The following WDPCP variants were observed in gnomAD, a reference collection of about 807,000 sequenced individuals.
The protein encoded by WDPCP is WD repeat containing planar cell polarity effector.
Under a neutral mutation model 93.1 loss-of-function variants are expected in WDPCP, and 71 were observed. The observed-to-expected ratio is 0.76, with a 90% CI of 0.63 to 0.93. The LOEUF (loss-of-function observed/expected upper bound fraction) is 0.93. WDPCP is among the 40% of genes least tolerant of loss of function. The pLI is 0.00. For missense variants in WDPCP, 844 were observed against 887.4 expected (o/e 0.95, Z 0.62); for synonymous variants, 315 against 315.0 (o/e 1.00, Z 0.00).
At chr2:63,653,739 C>T (rs573547490) in intron 2 of WDPCP, among the ~76,000 whole-genome samples, 3 of 151,984 alleles carry the variant, frequency 2.0e-5, no homozygotes, top group East Asian at 1.9e-4. Flanking sequence ...GGCGAAACCC[C>T]GTCTCTACTA....
At chr2:63,392,742 T>C (rs1232513231) in intron 10 of WDPCP, among the ~76,000 whole-genome samples, 6 of 152,164 alleles carry the variant, frequency 3.9e-5, no homozygotes, top group Non-Finnish European at 8.8e-5. Context: ...GAACAGACAC[T>C]TTTCAAAAGC....
chr2:63,142,239 G>A (rs1671114371), intron 17 of WDPCP, among the ~76,000 whole-genome samples: 1 of 152,144 alleles, frequency 6.6e-6, no homozygotes, highest in African/African-American at 2.4e-5. Flanking sequence ...ATGTGAGTTT[G>A]TGCCCTTTCA....
At chr2:63,660,515 T>G (rs1454399013) in intron 2 of WDPCP, among the ~76,000 whole-genome samples, 1 of 152,208 alleles carries the variant, frequency 6.6e-6, no homozygotes, top group Non-Finnish European at 1.5e-5. Flanking sequence ...TCCAACAGGC[T>G]TCCTGCCTCC....
At chr2:63,556,065 T>C (rs1706092870) in intron 1 of WDPCP, among the ~76,000 whole-genome samples, 1 of 152,164 alleles carries the variant, frequency 6.6e-6, no homozygotes, top group Admixed American at 6.5e-5. Context: ...TAAAGGAGCA[T>C]GCTCTAATCC....
chr2:63,803,942 A>G (rs1670727939), intron 2 of WDPCP, among the ~76,000 whole-genome samples: 1 of 152,178 alleles, frequency 6.6e-6, no homozygotes, highest in Non-Finnish European at 1.5e-5. Context: ...TGTTCTTTCA[A>G]TTATCTATTT....
the WDPCP span, among the ~76,000 whole-genome samples, chr2:63,834,598 C>A: frequency 1.3e-5 from 2 of 152,228 alleles, no homozygotes; most frequent in Non-Finnish European, 2.9e-5. Flanking sequence ...CAGCTGCTAG[C>A]AGCATTTACC....
chr2:63,569,154 G>A (rs1443045028), intron 1 of WDPCP, among the ~76,000 whole-genome samples: 1 of 152,054 alleles, frequency 6.6e-6, no homozygotes, highest in Non-Finnish European at 1.5e-5. Context: ...AAACAATGTT[G>A]AACAAAGAAA....
At chr2:63,208,182 G>A (rs929945197) in intron 14 of WDPCP, among the ~76,000 whole-genome samples, 3 of 152,112 alleles carry the variant, frequency 2.0e-5, no homozygotes, top group African/African-American at 7.2e-5. Flanking sequence ...TTGTGGGCAT[G>A]TCTTTCTAGA....
chr2:63,483,230 C>G (rs1700372374), intron 6 of WDPCP, among the ~76,000 whole-genome samples: 2 of 151,804 alleles, frequency 1.3e-5, no homozygotes, highest in Non-Finnish European at 2.9e-5. Context: ...TAATTCTGAG[C>G]CTGTTTTTAA....
rs1697855752 is a variant in WDPCP at position 63,446,267 on chromosome 2, T to C, written c.385-6396A>G. Among the ~76,000 whole-genome samples, 3 of 152,024 alleles carry C rather than the reference T, an allele frequency of 2.0e-5. 1 individual carries two copies. Among genetic ancestry groups the C allele is most frequent in the Admixed American group, 2.0e-4 (3 of 15,260 alleles). ...GAAGTAAGCGGTGAGTGGGCAAGCATTACCGCCTGAGCTCTACCCCCTGTC... is the reference window on the plus strand; with the variant it reads ...GAAGTAAGCGGTGAGTGGGCAAGCACTACCGCCTGAGCTCTACCCCCTGTC... On this transcript the variant is annotated intron_variant, in intron 6 of 17. Transcript: ENST00000272321.
chr2:63,635,901 A>G (rs1008201017), intron 3 of WDPCP, among the ~76,000 whole-genome samples: 2 of 152,198 alleles, frequency 1.3e-5, no homozygotes, highest in African/African-American at 2.4e-5. Flanking sequence ...TCTACATTGG[A>G]AAGGAAGAAG....
At chr2:63,758,244 G>T (rs545620979) in intron 2 of WDPCP, among the ~76,000 whole-genome samples, 5 of 152,076 alleles carry the variant, frequency 3.3e-5, no homozygotes, top group Non-Finnish European at 5.9e-5. Flanking sequence ...GTCTAGGGTT[G>T]GTTCAGCAGA....
intron 15 of WDPCP, among the ~76,000 whole-genome samples, chr2:63,159,920 A>G (rs1243725082): frequency 2.0e-5 from 3 of 152,178 alleles, no homozygotes; most frequent in Admixed American, 6.5e-5. Context: ...CATGTCTGCA[A>G]TCTCCTTTGG....
intron 3 of WDPCP, among the ~76,000 whole-genome samples, chr2:63,632,758 G>C (rs541188879): frequency 2.3e-4 from 35 of 152,218 alleles, no homozygotes; most frequent in African/African-American, 8.2e-4. Flanking sequence ...ATACATTATG[G>C]GAGTTGCAGA....
At chr2:63,831,437 G>A (rs147633447), upstream of WDPCP, among the ~76,000 whole-genome samples, 2 of 152,008 alleles carry the variant, frequency 1.3e-5, no homozygotes, top group African/African-American at 4.8e-5. Context: ...TTGCTCCACA[G>A]GTCATTATAT....
At chr2:63,546,870 T>C (rs1256853698) in intron 1 of WDPCP, among the ~76,000 whole-genome samples, 3 of 151,608 alleles carry the variant, frequency 2.0e-5, no homozygotes, top group Admixed American at 6.6e-5. Context: ...TCTAAAGACA[T>C]AAAAAACAGG....
intron 2 of WDPCP, among the ~76,000 whole-genome samples, chr2:63,721,996 G>A (rs969270123): frequency 6.6e-6 from 1 of 152,068 alleles, no homozygotes; most frequent in Non-Finnish European, 1.5e-5. Context: ...CTCCCGAGGT[G>A]CCGGGATTGC....
chr2:63,266,803 C>CTCAA (rs1183764434), intron 13 of WDPCP, among the ~76,000 whole-genome samples: 77 of 152,142 alleles, frequency 5.1e-4, no homozygotes, highest in African/African-American at 1.3e-3. Flanking sequence ...GAGACTCTGT[C>CTCAA]TCAATCAATC....
At chr2:63,671,251 G>A (rs904938932) in intron 2 of WDPCP, among the ~76,000 whole-genome samples, 3 of 152,102 alleles carry the variant, frequency 2.0e-5, no homozygotes, top group African/African-American at 7.2e-5. Flanking sequence ...CCATCATCAC[G>A]TTTGTTCCCA....
Sources: gnomAD v4.1 joint callset for allele counts (sites outside exome capture counted in the v4.1 genomes callset) on GRCh38, gnomAD v4.1.1 for gene constraint, MANE v1.5 for transcripts, NCBI Gene and HGNC (gene_info 2026-07-23, HGNC 2026-07-21) for gene names.